The following PARM1 variants were observed in gnomAD, a reference collection of about 807,000 sequenced individuals.
PARM1 encodes the protein prostate androgen-regulated mucin-like protein 1.
Under a neutral mutation model 24.6 loss-of-function variants are expected in PARM1, and 14 were observed. The ratio of observed to expected loss-of-function variants is 0.57; its 90% confidence interval spans 0.38 to 0.89. The LOEUF is 0.89. Among genes scored for constraint, PARM1 ranks in the 40% least tolerant of loss-of-function variants. The probability of loss-of-function intolerance (pLI) is 0.00; values close to 1 mark genes in which losing one functional copy is unlikely to be tolerated. For missense variants in PARM1, 362 were observed against 380.4 expected, an observed-to-expected ratio of 0.95 and a Z score of 0.40; for synonymous variants, 179 against 156.6, an observed-to-expected ratio of 1.14 and a Z score of -1.07.
rs182919488 is a variant in PARM1 at position 74,979,995 on chromosome 4, A to G, written c.44-32430A>G. ...AAATAATAAGAGCCATTTATGACAA[A>G]CCCACAACCAATATCATACTAAATG... On this transcript the variant is annotated intron_variant, in intron 1 of 3. Coordinates refer to ENST00000307428, the MANE Select transcript of PARM1 (RefSeq NM_015393.4). Among the ~76,000 whole-genome samples the G allele has an allele frequency of 3.0e-3, 464 of 152,308 alleles. 2 individuals carry two copies. Among genetic ancestry groups the G allele is most frequent in the African/African-American group, 0.011 (445 of 41,564 alleles).
At chr4:75,040,724 T>C (rs1462760397) in intron 3 of PARM1, among the ~76,000 whole-genome samples, 2 of 152,260 alleles carry the variant, frequency 1.3e-5, no homozygotes, top group African/African-American at 4.8e-5. Flanking sequence ...CTTTGTACTA[T>C]CTTTGCAGCT....
chr4:74,954,431 A>G (rs1374404937), intron 1 of PARM1, among the ~76,000 whole-genome samples: 4 of 152,192 alleles, frequency 2.6e-5, no homozygotes, highest in East Asian at 1.9e-4. Flanking sequence ...AAGTGTGCCT[A>G]TGTTCTTTGC....
At chr4:75,022,004 TTC>T (rs771555455) in intron 2 of PARM1, among the ~76,000 whole-genome samples, 7 of 152,240 alleles carry the variant, frequency 4.6e-5, no homozygotes, top group Non-Finnish European at 1.0e-4. Flanking sequence ...CAAATGGTAA[TTC>T]TGTTTCAAGC....
chr4:75,010,021 G>T (rs1002386839), intron 1 of PARM1, among the ~76,000 whole-genome samples: 1 of 152,160 alleles, frequency 6.6e-6, no homozygotes, highest in Non-Finnish European at 1.5e-5. Context: ...CAAAAGAACT[G>T]ACAGCAAGGA....
chr4:75,019,020 G>A (rs763570421), intron 2 of PARM1, among the ~76,000 whole-genome samples: 11 of 152,246 alleles, frequency 7.2e-5, no homozygotes, highest in Non-Finnish European at 1.3e-4. Context: ...CAGGGGTAGA[G>A]CTGCCCAGTG....
At chr4:74,942,092 A>G (rs1721320854) in intron 1 of PARM1, among the ~76,000 whole-genome samples, 2 of 152,312 alleles carry the variant, frequency 1.3e-5, no homozygotes, top group South Asian at 4.1e-4. Flanking sequence ...ACGTTCAACC[A>G]GTCTCTATCA....
At chr4:74,938,453 A>G (rs1323676624) in intron 1 of PARM1, among the ~76,000 whole-genome samples, 3 of 152,200 alleles carry the variant, frequency 2.0e-5, no homozygotes, top group Non-Finnish European at 2.9e-5. Context: ...TGTTCATAAG[A>G]TATCAAATGA....
chr4:75,037,035 T>G (rs1018116351), intron 3 of PARM1, among the ~76,000 whole-genome samples: 43 of 152,314 alleles, frequency 2.8e-4, no homozygotes, highest in African/African-American at 9.1e-4. Flanking sequence ...TTATGAATCT[T>G]AAGGCTATGC....
rs1196145299 is a variant in PARM1, at chr4:75,046,216, A to G, written c.902A>G (p.Asn301Ser). 1 of 1,612,500 alleles carries G rather than the reference A, an allele frequency of 6.2e-7. No homozygotes were observed. The highest frequency in any genetic ancestry group is 1.7e-4 in the Middle Eastern group (1 of 6,054). ...LDDHDYGSWG[N>S]YNNPLYDDS ...GACCATGACTACGGGTCCTGGGGAA[A>G]CTACAACAACCCTCTGTACGATGAC... Residue 301 changes from asparagine (N) to serine (S), a missense_variant, in exon 4 of 4, where the codon AAC becomes AGC. Asn to Ser is a conservative substitution (Grantham distance 46). Coordinates refer to ENST00000307428, the MANE Select transcript of PARM1 (RefSeq NM_015393.4).
At chr4:75,020,959 G>T (rs771558111) in intron 2 of PARM1, among the ~76,000 whole-genome samples, 1 of 152,086 alleles carries the variant, frequency 6.6e-6, no homozygotes, top group Non-Finnish European at 1.5e-5. Context: ...TCTCTTCTTC[G>T]CAGCATGTGA....
intron 1 of PARM1, among the ~76,000 whole-genome samples, chr4:74,961,717 G>T (rs1721778230): frequency 6.6e-6 from 1 of 152,166 alleles, no homozygotes; most frequent in South Asian, 2.1e-4. Context: ...TCCTATATCT[G>T]TCAAAACTGT....
intron 2 of PARM1, among the ~76,000 whole-genome samples, chr4:75,027,490 G>A (rs533791603): frequency 1.3e-5 from 2 of 152,122 alleles, no homozygotes; most frequent in African/African-American, 4.8e-5. Context: ...GATCTACCTA[G>A]GTTGCAGTGT....
chr4:74,936,461 G>GT (rs149444141), intron 1 of PARM1, among the ~76,000 whole-genome samples: 61 of 114,436 alleles, frequency 5.3e-4, no homozygotes, highest in Non-Finnish European at 9.6e-4. Flanking sequence ...TTGTTTTTTT[G>GT]TTTTTTTTTT....
intron 1 of PARM1, among the ~76,000 whole-genome samples, chr4:74,974,452 A>G (rs1217474690): frequency 2.0e-5 from 3 of 152,168 alleles, no homozygotes; most frequent in African/African-American, 4.8e-5. Flanking sequence ...AGACTCCTGT[A>G]TCTATGTCAA....
intron 3 of PARM1, among the ~76,000 whole-genome samples, chr4:75,041,073 T>C (rs192627215): frequency 5.4e-4 from 83 of 152,346 alleles, no homozygotes; most frequent in African/African-American, 1.9e-3. Flanking sequence ...GTATATTATT[T>C]ACTGTGTCTC....
chr4:75,007,905 G>C (rs929641143), intron 1 of PARM1, among the ~76,000 whole-genome samples: 2 of 152,158 alleles, frequency 1.3e-5, no homozygotes, highest in South Asian at 2.1e-4. Flanking sequence ...TTCAAGCCAG[G>C]GGGTGGGCCC....
chr4:74,938,970 TAAAAAC>T (rs1185769043), intron 1 of PARM1, among the ~76,000 whole-genome samples: 1 of 152,154 alleles, frequency 6.6e-6, no homozygotes, highest in African/African-American at 2.4e-5. Flanking sequence ...ATTTAGCAAA[TAAAAAC>T]AAAGGTTGTC....
At chr4:75,043,290 G>A (rs1486494895) in intron 3 of PARM1, among the ~76,000 whole-genome samples, 1 of 152,146 alleles carries the variant, frequency 6.6e-6, no homozygotes, top group Admixed American at 6.5e-5. Context: ...CCATGTGCTT[G>A]TATAAGATTT....
intron 1 of PARM1, among the ~76,000 whole-genome samples, chr4:74,954,323 C>T (rs1180369951): frequency 2.0e-5 from 3 of 152,200 alleles, no homozygotes; most frequent in Middle Eastern, 3.2e-3. Flanking sequence ...GTTGATACTT[C>T]ACTAAGTCTT....
Sources: gnomAD v4.1 joint callset for allele counts (sites outside exome capture counted in the v4.1 genomes callset) on GRCh38, gnomAD v4.1.1 for gene constraint, MANE v1.5 for transcripts, NCBI Gene and HGNC (gene_info 2026-07-23, HGNC 2026-07-21) for gene names.